Variants in NTM observed in about 807,000 individuals in gnomAD.
NTM encodes IgLON family member 2.
Under a neutral mutation model 42.1 loss-of-function variants are expected in NTM, and 13 were observed. That is an observed-to-expected ratio of 0.31 (90% CI 0.20 to 0.49). NTM has a LOEUF of 0.49. Ranked by LOEUF, NTM falls within the 20% of genes least tolerant of loss-of-function variation. The probability of loss-of-function intolerance (pLI) is 0.99; values close to 1 mark genes in which losing one functional copy is unlikely to be tolerated. For synonymous variants in NTM, 187 were observed against 179.2 expected, an observed-to-expected ratio of 1.04 and a Z score of -0.35; for missense variants, 373 against 452.8, an observed-to-expected ratio of 0.82 and a Z score of 1.60.
At chr11:132,248,145 C>A (rs2091448581) in intron 4 of NTM, among the ~76,000 whole-genome samples, 1 of 152,192 alleles carries the variant, frequency 6.6e-6, no homozygotes, top group African/African-American at 2.4e-5. Context: ...CCTTAAACTG[C>A]ATTCAGAATG....
chr11:132,062,108 G>C (rs2080776485), intron 2 of NTM, among the ~76,000 whole-genome samples: 1 of 152,150 alleles, frequency 6.6e-6, no homozygotes, highest in Non-Finnish European at 1.5e-5. Context: ...TCAACTCCAG[G>C]AAAGTTGAGG....
intron 3 of NTM, among the ~76,000 whole-genome samples, chr11:132,173,867 G>A (rs56024377): frequency 0.064 from 9,692 of 152,228 alleles, 369 homozygotes; most frequent in Middle Eastern, 0.13. Context: ...CAGCCTAAAT[G>A]GAATTAACTT....
chr11:132,074,909 C>G (rs1036749335), intron 2 of NTM, among the ~76,000 whole-genome samples: 3 of 152,044 alleles, frequency 2.0e-5, no homozygotes, highest in Admixed American at 6.5e-5. Context: ...TATGAATTAC[C>G]CTAATCTGAT....
intron 1 of NTM, among the ~76,000 whole-genome samples, chr11:131,469,555 C>G (rs1437697306): frequency 6.6e-6 from 1 of 152,182 alleles, no homozygotes; most frequent in Non-Finnish European, 1.5e-5. Flanking sequence ...CCATCCCTGA[C>G]AGCTGAGTTG....
intron 2 of NTM, among the ~76,000 whole-genome samples, chr11:131,989,314 C>T (rs1312202956): frequency 6.6e-6 from 1 of 151,938 alleles, no homozygotes; most frequent in Non-Finnish European, 1.5e-5. Context: ...ATATACATTT[C>T]ATCATTTAAA....
At chr11:131,658,554 G>C (rs376157615) in intron 1 of NTM, among the ~76,000 whole-genome samples, 1 of 152,150 alleles carries the variant, frequency 6.6e-6, no homozygotes, top group Admixed American at 6.6e-5. Flanking sequence ...AGACGAGGAC[G>C]GCATGCCTTG....
chr11:131,832,751 A>G (rs991446662), intron 1 of NTM, among the ~76,000 whole-genome samples: 4 of 152,220 alleles, frequency 2.6e-5, no homozygotes, highest in African/African-American at 9.6e-5. Flanking sequence ...GTCACATTGG[A>G]GATAAACTGA....
At chr11:131,910,751 G>A (rs1015595815) in intron 1 of NTM, 13 of 839,348 alleles carry the variant, frequency 1.5e-5, no homozygotes, top group Non-Finnish European at 2.9e-6. Flanking sequence ...GTCCGCTCCC[G>A]CCGCCCGGCC....
chr11:131,449,306 G>T (rs1950301434), intron 1 of NTM, among the ~76,000 whole-genome samples: 1 of 152,202 alleles, frequency 6.6e-6, no homozygotes, highest in African/African-American at 2.4e-5. Flanking sequence ...AGGTGTGGCT[G>T]CTCACTCAGG....
At chr11:132,053,610 G>A (rs765370873) in intron 2 of NTM, among the ~76,000 whole-genome samples, 2 of 152,140 alleles carry the variant, frequency 1.3e-5, no homozygotes, top group Non-Finnish European at 2.9e-5. Context: ...TTATCAGGGT[G>A]AAATAACATG....
intron 1 of NTM, among the ~76,000 whole-genome samples, chr11:131,786,885 A>G (rs1332416239): frequency 6.6e-6 from 1 of 152,238 alleles, no homozygotes; most frequent in African/African-American, 2.4e-5. Context: ...TTTAATGAGC[A>G]CTGAAAATAG....
At chr11:131,510,317 A>C (rs1006950589) in intron 1 of NTM, among the ~76,000 whole-genome samples, 6 of 152,190 alleles carry the variant, frequency 3.9e-5, no homozygotes, top group African/African-American at 1.4e-4. Flanking sequence ...CCACCACTTC[A>C]GCCCAGAGCA....
rs183394285 is a variant in NTM, at chr11:131,532,964, G to A, written c.82+162076G>A. Among the ~76,000 whole-genome samples, 479 of 152,172 alleles carry A rather than the reference G, an allele frequency of 3.1e-3. 2 individuals carry two copies. Among genetic ancestry groups the A allele is most frequent in the African/African-American group, 0.01 (431 of 41,518 alleles). ...TGAATATATAAGTTGTGACTACCAGGAGATCTAGTATTGGAACAAAATGTC... is the reference window on the plus strand; with the variant it reads ...TGAATATATAAGTTGTGACTACCAGAAGATCTAGTATTGGAACAAAATGTC... On this transcript the variant is annotated intron_variant, in intron 1 of 8. Transcript: ENST00000683400.
intron 1 of NTM, among the ~76,000 whole-genome samples, chr11:131,667,920 G>T (rs1050701571): frequency 1.3e-5 from 2 of 152,166 alleles, no homozygotes; most frequent in Non-Finnish European, 2.9e-5. Context: ...TTGATTAGTT[G>T]AACTCCAAGG....
intron 1 of NTM, among the ~76,000 whole-genome samples, chr11:131,752,836 A>G (rs953852151): frequency 3.3e-5 from 5 of 152,204 alleles, no homozygotes; most frequent in African/African-American, 1.2e-4. Context: ...ATGAGCAAGG[A>G]CTTCATGTCT....
intron 1 of NTM, among the ~76,000 whole-genome samples, chr11:131,744,191 A>C (rs1288836529): frequency 6.6e-6 from 1 of 152,180 alleles, no homozygotes; most frequent in Non-Finnish European, 1.5e-5. Flanking sequence ...TGAGAGGATT[A>C]ATTTGTTAGT....
chr11:132,203,924 C>A (rs2081542948), intron 3 of NTM, among the ~76,000 whole-genome samples: 1 of 151,272 alleles, frequency 6.6e-6, no homozygotes. Context: ...GCAACAACAA[C>A]AAAAAAAAAA....
chr11:132,313,562 G>C (rs1226204724), intron 6 of NTM, among the ~76,000 whole-genome samples: 1 of 152,006 alleles, frequency 6.6e-6, no homozygotes, highest in Admixed American at 6.5e-5. Context: ...AAAAGTAAAA[G>C]GTTGGCTTAA....
At position 131,416,395 on chromosome 11, in the gene NTM, G is replaced by C. The variant is rs115929125; in HGVS notation, c.82+45507G>C. On this transcript the variant is annotated intron_variant, in intron 1 of 8. Coordinates refer to ENST00000683400, the MANE Select transcript of NTM (RefSeq NM_001352005.2). ...CACTTACACATTTGCTGCGTTACAG[G>C]AACTGCTGAGTAAGAAGCCATGAAA... 9.7e-3 allele frequency among the ~76,000 whole-genome samples: 1,480 copies of C among 152,182 alleles called. 28 individuals carry two copies. The highest frequency in any genetic ancestry group is 0.034 in the African/African-American group (1,420 of 41,496).
Sources: gnomAD v4.1 joint callset for allele counts (sites outside exome capture counted in the v4.1 genomes callset) on GRCh38, gnomAD v4.1.1 for gene constraint, MANE v1.5 for transcripts, NCBI Gene and HGNC (gene_info 2026-07-23, HGNC 2026-07-21) for gene names.